ALDH3A2: variants seen among roughly 807,000 people sequenced by gnomAD.
ALDH3A2 encodes the protein aldehyde dehydrogenase 3 family member A2.
ALDH3A2 carries 36 observed loss-of-function variants against 51.3 expected under a neutral mutation model. That is an observed-to-expected ratio of 0.70 (90% CI 0.54 to 0.93). ALDH3A2 has a LOEUF of 0.93. ALDH3A2 is among the 40% of genes least tolerant of loss of function. The pLI is 0.00. For missense variants in ALDH3A2, 552 were observed against 603.1 expected (o/e 0.92, Z 0.89); for synonymous variants, 199 against 219.8 (o/e 0.91, Z 0.84).
upstream of ALDH3A2, chr17:19,648,658 G>A: frequency 2.2e-6 from 1 of 445,804 alleles, no homozygotes; most frequent in South Asian, 2.4e-5. Context: ...GCCAGAGCCG[G>A]GGAGAGGGCG....
intron 1 of ALDH3A2, chr17:19,649,596 T>G (rs896768928): frequency 4.5e-5 from 7 of 153,866 alleles, no homozygotes; most frequent in African/African-American, 1.7e-4. Context: ...CCTCTGGGTC[T>G]ATTTCTTGTC....
chr17:19,671,981 C>T, intron 9 of ALDH3A2, 25 bp downstream of exon 9: 1 of 1,593,230 alleles, frequency 6.3e-7, no homozygotes. Context: ...CCCATGAGTG[C>T]CATTCAGTCT....
rs982621034 is a variant in ALDH3A2, at chr17:19,654,126, G to C, written c.471+1494G>C. On this transcript the variant is annotated intron_variant, in intron 3 of 9. Coordinates refer to ENST00000176643, the MANE Select transcript of ALDH3A2 (RefSeq NM_000382.3). This position sits in a 1 kb window ranked among gnomAD's most constrained non-coding sequence, Gnocchi z 4.5. ...CCACCAGATTAGCTAGATACAGAGTGCTGATTGGTGCATCCACAAACCCCA... is the reference window on the plus strand; with the variant it reads ...CCACCAGATTAGCTAGATACAGAGTCCTGATTGGTGCATCCACAAACCCCA... 6.6e-6 allele frequency among the ~76,000 whole-genome samples: 1 copy of C among 152,216 alleles called. No homozygotes were observed.
chr17:19,675,296 C>T, intron 9 of ALDH3A2: 1 of 471,528 alleles, frequency 2.1e-6, no homozygotes, highest in Non-Finnish European at 3.7e-6. Flanking sequence ...AGCTAGTTGA[C>T]AGTGGACAGA....
chr17:19,675,476 T>G (rs754759041), intron 9 of ALDH3A2, 82 bp from the exon 10 acceptor site: 4 of 1,395,022 alleles, frequency 2.9e-6, no homozygotes, highest in Non-Finnish European at 4.1e-6. Context: ...TGAGTCCCAG[T>G]GCTGAGCTTG....
Position 19,662,802 on chromosome 17 carries a change from C to T in ALDH3A2, c.941-531C>T, listed in dbSNP as rs529658203. Among the ~76,000 whole-genome samples, 4 of 152,206 alleles carry T rather than the reference C, an allele frequency of 2.6e-5. No individual in the cohort carries two copies. In the South Asian group the frequency reaches 6.2e-4, roughly 24 times the overall value. On this transcript the variant is annotated intron_variant, in intron 6 of 9. Coordinates refer to ENST00000176643, the MANE Select transcript of ALDH3A2 (RefSeq NM_000382.3). ...TTGCTCCTAGAAAGACCTGTCCATTCGAGACCAGCCTGACCCAACATGGAG... is the reference window on the plus strand; with the variant it reads ...TTGCTCCTAGAAAGACCTGTCCATTTGAGACCAGCCTGACCCAACATGGAG...
intron 6 of ALDH3A2, among the ~76,000 whole-genome samples, chr17:19,662,657 A>G (rs545117444): frequency 5.1e-4 from 78 of 152,278 alleles, no homozygotes; most frequent in Non-Finnish European, 1.1e-3. Flanking sequence ...AATTTTGACC[A>G]TTTAAGTCTG....
chr17:19,659,780 G>T (rs1266698446), intron 5 of ALDH3A2: 2 of 151,610 alleles, frequency 1.3e-5, no homozygotes, highest in African/African-American at 4.9e-5. Context: ...GGAGGCGGAG[G>T]CTGCAGTGAG....
chr17:19,651,926 C>T lies in ALDH3A2; in HGVS notation c.385+148C>T, dbSNP rs1029803833. 6 of 751,418 alleles carry T rather than the reference C, an allele frequency of 8.0e-6. No individual in the cohort carries two copies. The Admixed American group carries it at 1.4e-4, about 17-fold the overall frequency. The allele number at this position is 751,418 out of a possible 1,614,324, so 46.5% of individuals were successfully genotyped here. A position where few individuals can be genotyped will look rare whatever the true frequency, so the allele number is the denominator to read the frequency against. The stretch of plus-strand genomic sequence containing the variant: ...CCAGTGTACTGAGAATTCATACATA[C>T]CATACATATTTTTAAATGGGCTGCT... On this transcript the variant is annotated intron_variant, in intron 2 of 9. Transcript: ENST00000176643.
chr17:19,655,273 T>C (rs1188802728), intron 3 of ALDH3A2: 2 of 152,246 alleles, frequency 1.3e-5, no homozygotes, highest in East Asian at 1.9e-4. Context: ...TTTTTCTCTT[T>C]GTTAGAGCCA....
At chr17:19,657,365 C>T (rs1282658977) in intron 4 of ALDH3A2, among the ~76,000 whole-genome samples, 1 of 152,222 alleles carries the variant, frequency 6.6e-6, no homozygotes, top group African/African-American at 2.4e-5. Context: ...GAGCCAAAAG[C>T]CACAACCAGG....
intron 8 of ALDH3A2, among the ~76,000 whole-genome samples, chr17:19,670,476 C>G (rs1282993016): frequency 6.6e-6 from 1 of 152,062 alleles, no homozygotes; most frequent in Non-Finnish European, 1.5e-5. Context: ...AACTCCTGGG[C>G]TCAAGCAATC....
rs1314554346 is a variant in ALDH3A2 at position 19,656,402 on chromosome 17, A to G, written c.508A>G (p.Thr170Ala). 1 of 1,614,182 alleles carries G rather than the reference A, an allele frequency of 6.2e-7. No individual in the cohort carries two copies. Among genetic ancestry groups the G allele is most frequent in the Non-Finnish European group, 8.5e-7 (1 of 1,180,012 alleles). Residue 170 changes from threonine (T) to alanine (A), a missense_variant, in exon 4 of 10, where the codon ACC becomes GCC. Physicochemically the swap from Thr to Ala is moderately conservative, Grantham distance 58 (BLOSUM62 0). Transcript: ENST00000176643. The stretch of plus-strand genomic sequence containing the variant: ...TGTTATTAATGGTGGTGTTGAGGAA[A>G]CCACGGAGCTCCTGAAGCAGCGATT... The part of the protein sequence containing the change: ...YIVINGGVEE[T>A]TELLKQRFDH...
chr17:19,663,212 T>G, intron 6 of ALDH3A2, 121 bp from the exon 7 acceptor site: 1 of 1,159,994 alleles, frequency 8.6e-7, no homozygotes, highest in South Asian at 1.3e-5. Context: ...GATTTTTCAA[T>G]AGATATGACT....
At chr17:19,674,050 T>C (rs2085156362) in intron 9 of ALDH3A2, 1 of 152,216 alleles carries the variant, frequency 6.6e-6, no homozygotes, top group Non-Finnish European at 1.5e-5. Flanking sequence ...GAATATGTTT[T>C]TTAAATCACT....
At chr17:19,653,616 G>A (rs758165462) in intron 3 of ALDH3A2, among the ~76,000 whole-genome samples, 19 of 152,118 alleles carry the variant, frequency 1.2e-4, no homozygotes, top group Admixed American at 9.2e-4. Context: ...TCCTCCCGGT[G>A]GGTTCGTGGT....
chr17:19,674,486 A>G (rs1056715205), intron 9 of ALDH3A2: 1 of 152,196 alleles, frequency 6.6e-6, no homozygotes, highest in Non-Finnish European at 1.5e-5. Flanking sequence ...AGCAATATAT[A>G]AAACCTTTAG....
chr17:19,663,266 A>G lies in ALDH3A2; in HGVS notation c.941-67A>G, dbSNP rs1032834009. The G allele has an allele frequency of 4.5e-6, 7 of 1,556,810 alleles. No individual in the cohort carries two copies. The African/African-American group carries it at 9.5e-5, about 21-fold the overall frequency. On this transcript the variant is annotated intron_variant, in intron 6 of 9. Transcript: ENST00000176643. ...GCATGGATAAGTGACCCAATGAAAG[A>G]GATGTAATATGAGAGTTGTGCATTT...
intron 8 of ALDH3A2, among the ~76,000 whole-genome samples, chr17:19,668,539 C>T (rs1215546695): frequency 1.3e-5 from 2 of 152,188 alleles, no homozygotes; most frequent in Admixed American, 1.3e-4. Flanking sequence ...TGAGCCACCA[C>T]ATCTGGCCTA....
Sources: allele counts gnomAD v4.1 joint callset (sites outside exome capture counted in the v4.1 genomes callset), GRCh38; gene constraint gnomAD v4.1.1; non-coding constraint Gnocchi (gnomAD v3.1); transcripts MANE v1.5; gene names NCBI Gene and HGNC (gene_info 2026-07-23, HGNC 2026-07-21).